TRPM3: variants seen among roughly 807,000 people sequenced by gnomAD.
TRPM3 encodes the protein transient receptor potential cation channel subfamily M member 3, also known as long transient receptor potential channel 3.
TRPM3 carries 77 observed loss-of-function variants against 181.2 expected under a neutral mutation model. The ratio of observed to expected loss-of-function variants is 0.42; its 90% CI spans 0.35 to 0.51. TRPM3 has a LOEUF of 0.51. TRPM3 is among the 20% of genes least tolerant of loss of function. The pLI, the probability that TRPM3 is intolerant of heterozygous loss-of-function variation, is 0.01. For synonymous variants in TRPM3, 745 were observed against 796.4 expected, an observed-to-expected ratio of 0.94 and a Z score of 1.09; for missense variants, 1,759 against 2,196.7, an observed-to-expected ratio of 0.80 and a Z score of 3.98.
intron 1 of TRPM3, among the ~76,000 whole-genome samples, chr9:70,902,004 A>C (rs1239855130): frequency 1.3e-5 from 2 of 152,220 alleles, no homozygotes; most frequent in Non-Finnish European, 2.9e-5. Context: ...GTGGCCACAC[A>C]AGGCAAGCTT....
intron 9 of TRPM3, among the ~76,000 whole-genome samples, chr9:70,654,889 T>C (rs2060081126): frequency 6.6e-6 from 1 of 151,448 alleles, no homozygotes. Context: ...TTCACTGTGT[T>C]ACCCAGGATG....
At chr9:71,221,579 G>A (rs536235117) in intron 1 of TRPM3, among the ~76,000 whole-genome samples, 42 of 151,994 alleles carry the variant, frequency 2.8e-4, no homozygotes, top group African/African-American at 9.4e-4. Context: ...ATGTCTTTTG[G>A]GACCATCCAC....
At chr9:70,926,854 G>C (rs540727878) in intron 1 of TRPM3, among the ~76,000 whole-genome samples, 1 of 152,310 alleles carries the variant, frequency 6.6e-6, no homozygotes, top group South Asian at 2.1e-4. Flanking sequence ...GCAGATTTAA[G>C]ATTGTAAATA....
chr9:70,694,294 AAAT>A (rs985925010), intron 8 of TRPM3, among the ~76,000 whole-genome samples: 54 of 152,158 alleles, frequency 3.5e-4, no homozygotes, highest in African/African-American at 1.3e-3. Context: ...TCTGCAAAAA[AAAT>A]AAGTTTGACT....
chr9:70,976,595 T>C (rs1276239064), intron 1 of TRPM3, among the ~76,000 whole-genome samples: 1 of 152,218 alleles, frequency 6.6e-6, no homozygotes, highest in African/African-American at 2.4e-5. Context: ...TAAGTGTTTA[T>C]GTCTTTAAAA....
chr9:70,937,879 C>T (rs555810089), intron 1 of TRPM3, among the ~76,000 whole-genome samples: 4 of 38,124 alleles, frequency 1.0e-4, no homozygotes, highest in Non-Finnish European at 1.6e-4. Flanking sequence ...CATTTGGGGT[C>T]GGGGGAGGGT....
intron 1 of TRPM3, among the ~76,000 whole-genome samples, chr9:71,095,381 C>A (rs574211732): frequency 7.6e-5 from 2 of 26,272 alleles, no homozygotes; most frequent in East Asian, 0.031. Context: ...TGGGGCACGA[C>A]GGGAGATCCT....
chr9:70,601,841 T>G (rs1298917061), intron 20 of TRPM3, among the ~76,000 whole-genome samples: 1 of 152,108 alleles, frequency 6.6e-6, no homozygotes, highest in Non-Finnish European at 1.5e-5. Context: ...ATCTCCCTGC[T>G]CGAGTCCTTC....
chr9:71,342,076 C>G (rs927706094), intron 1 of TRPM3, among the ~76,000 whole-genome samples: 1 of 151,596 alleles, frequency 6.6e-6, no homozygotes, highest in African/African-American at 2.4e-5. Flanking sequence ...TAACACCACA[C>G]AGAAACACTA....
At chr9:70,853,341 G>C (rs532112338) in intron 3 of TRPM3, among the ~76,000 whole-genome samples, 2 of 152,282 alleles carry the variant, frequency 1.3e-5, no homozygotes, top group East Asian at 3.9e-4. Flanking sequence ...ACTTACCTGG[G>C]GACCTTGTCA....
intron 22 of TRPM3, among the ~76,000 whole-genome samples, chr9:70,577,047 C>T (rs553447138): frequency 6.6e-6 from 1 of 152,288 alleles, no homozygotes; most frequent in African/African-American, 2.4e-5. Flanking sequence ...GTCCTTGCCG[C>T]AGTGACTCTT....
At chr9:70,635,153 C>T (rs951904466) in intron 12 of TRPM3, 58 bp downstream of exon 12, 20 of 1,509,598 alleles carry the variant, frequency 1.3e-5, no homozygotes, top group Admixed American at 3.4e-5. Flanking sequence ...GAGGCACTCT[C>T]TAATCACAGG....
chr9:71,212,490 A>C (rs892871370), intron 1 of TRPM3, among the ~76,000 whole-genome samples: 1 of 152,244 alleles, frequency 6.6e-6, no homozygotes, highest in African/African-American at 2.4e-5. Context: ...TGAGTCAAAC[A>C]AATTAATCTC....
intron 1 of TRPM3, among the ~76,000 whole-genome samples, chr9:70,880,381 A>G (rs2095966204): frequency 6.6e-6 from 1 of 152,138 alleles, no homozygotes; most frequent in Non-Finnish European, 1.5e-5. Context: ...CTAACCTGAA[A>G]AATAAATTTA....
At chr9:70,585,145 C>T (rs145570744) in intron 22 of TRPM3, among the ~76,000 whole-genome samples, 8 of 152,318 alleles carry the variant, frequency 5.3e-5, no homozygotes, top group African/African-American at 1.9e-4. Flanking sequence ...TGTCCTGTTG[C>T]TGATTTACTC....
Position 70,549,558 on chromosome 9 carries a change from G to C in TRPM3, c.3691C>G (p.Arg1231Gly). The change falls in exon 25 of 26, where the codon CGG becomes GGG. Residue 1231 changes from arginine (R) to glycine (G), a missense_variant. Transcript: ENST00000677713. ...RFNSSNDERI[R>G]VTSERVENMS... Reference sequence around the variant, plus strand: ...AGAACACACCTTTCTGAAGTCACCCGTATCCTCTCATCATTAGATGAGTTG... The same window carrying C: ...AGAACACACCTTTCTGAAGTCACCCCTATCCTCTCATCATTAGATGAGTTG... The C allele has an allele frequency of 6.2e-7, 1 of 1,613,074 alleles. No individual in the cohort carries two copies. Among genetic ancestry groups the C allele is most frequent in the Non-Finnish European group, 8.5e-7 (1 of 1,179,608 alleles).
intron 1 of TRPM3, among the ~76,000 whole-genome samples, chr9:71,038,432 A>G (rs1266080839): frequency 6.6e-6 from 1 of 152,170 alleles, no homozygotes; most frequent in Non-Finnish European, 1.5e-5. Flanking sequence ...TGATGTGCTT[A>G]TTATATAACT....
At chr9:70,886,305 G>A (rs896451287) in intron 1 of TRPM3, among the ~76,000 whole-genome samples, 1 of 152,160 alleles carries the variant, frequency 6.6e-6, no homozygotes, top group African/African-American at 2.4e-5. Context: ...TAGATATTAC[G>A]TGGAGCATCG....
chr9:71,057,441 G>A (rs958956701), intron 1 of TRPM3, among the ~76,000 whole-genome samples: 63 of 151,988 alleles, frequency 4.1e-4, no homozygotes, highest in African/African-American at 1.4e-3. Context: ...GATTTAAATC[G>A]TTTTCTGTTT....
Sources: gnomAD v4.1 joint callset for allele counts (sites outside exome capture counted in the v4.1 genomes callset) on GRCh38, gnomAD v4.1.1 for gene constraint, MANE v1.5 for transcripts, NCBI Gene and HGNC (gene_info 2026-07-23, HGNC 2026-07-21) for gene names.